DEUP1: variants seen among roughly 807,000 people sequenced by gnomAD.
DEUP1 encodes deuterosome assembly protein 1, also known as coiled-coil domain containing 67.
In DEUP1, 82 loss-of-function variants were observed where a neutral mutation model predicts 87.4. The observed-to-expected ratio is 0.94, with a 90% CI of 0.78 to 1.13. The LOEUF is 1.13. Ranked by LOEUF, DEUP1 falls within the 50% of genes most tolerant of loss-of-function variation. DEUP1 has a pLI of 0.00. For synonymous variants in DEUP1, 214 were observed against 222.7 expected, an observed-to-expected ratio of 0.96 and a Z score of 0.35; for missense variants, 663 against 681.5, an observed-to-expected ratio of 0.97 and a Z score of 0.30.
At chr11:93,432,297 T>C (rs1171907390) in intron 13 of DEUP1, among the ~76,000 whole-genome samples, 2 of 151,900 alleles carry the variant, frequency 1.3e-5, no homozygotes, top group Non-Finnish European at 2.9e-5. Flanking sequence ...GAAGGATGAG[T>C]TTCTGAAACA....
intron 8 of DEUP1, among the ~76,000 whole-genome samples, chr11:93,387,380 A>G (rs187948203): frequency 6.6e-6 from 1 of 152,154 alleles, no homozygotes; most frequent in Admixed American, 6.5e-5. Flanking sequence ...TAAAAGTAGC[A>G]TGGTAATGTT....
chr11:93,393,549 G>C (rs1478695160), intron 9 of DEUP1, among the ~76,000 whole-genome samples: 2 of 152,028 alleles, frequency 1.3e-5, no homozygotes, highest in Non-Finnish European at 2.9e-5. Flanking sequence ...CTTCCTCTGG[G>C]AATCCTATCC....
intron 2 of DEUP1, among the ~76,000 whole-genome samples, chr11:93,343,593 C>T (rs117094630): frequency 0.021 from 3,128 of 152,118 alleles, 46 homozygotes; most frequent in Middle Eastern, 0.058. Context: ...AATCTGTGGA[C>T]CAAGGGGTTA....
At chr11:93,372,092 C>A (rs2134271091) in intron 7 of DEUP1, among the ~76,000 whole-genome samples, 1 of 151,716 alleles carries the variant, frequency 6.6e-6, no homozygotes, top group South Asian at 2.1e-4. Flanking sequence ...CTACGCCCGG[C>A]TAATTTTTTG....
chr11:93,371,073 T>TA lies in DEUP1; in HGVS notation c.588dup (p.Gln197ThrfsTer9). Reference sequence around the variant, plus strand: ...AAAGTTACCAAACTCAACTAAATGGTAAAAAACAGTGCTTAGAAGACAGCA... The same window carrying TA: ...AAAGTTACCAAACTCAACTAAATGGTAAAAAAACAGTGCTTAGAAGACAGCA... On this transcript the variant is annotated frameshift_variant, in exon 7 of 14. Coordinates refer to ENST00000298050, the MANE Select transcript of DEUP1 (RefSeq NM_181645.4). LOFTEE classifies it high-confidence loss of function. 1 of 1,611,924 alleles carries TA rather than the reference T, an allele frequency of 6.2e-7. No individual in the cohort carries two copies. The highest frequency in any genetic ancestry group is 8.5e-7 in the Non-Finnish European group (1 of 1,178,766).
Position 93,371,243 on chromosome 11 carries a change from T to C in DEUP1, c.752T>C (p.Leu251Pro). ...RNKLQDENQK[L>P]LQELKMYQRQ... ...AAATTACAAGATGAAAATCAGAAGC[T>C]CTTGCAAGAACTGAAAATGTACCAA... is the stretch of plus-strand genomic sequence containing the variant. Residue 251 changes from leucine to proline, a missense_variant, in exon 7 of 14, where the codon CTC (leucine) becomes CCC (proline). By Grantham distance (98) the Leu-to-Pro change is moderately conservative. Coordinates refer to ENST00000298050, the MANE Select transcript of DEUP1 (RefSeq NM_181645.4). 6.8e-6 allele frequency: 11 copies of C among 1,613,110 alleles called. No individual in the cohort carries two copies. Among genetic ancestry groups the C allele is most frequent in the Non-Finnish European group, 8.5e-6 (10 of 1,179,592 alleles).
chr11:93,388,042 T>C (rs192415845), intron 8 of DEUP1, among the ~76,000 whole-genome samples: 2 of 152,246 alleles, frequency 1.3e-5, no homozygotes, highest in South Asian at 2.1e-4. Flanking sequence ...AGTTAACATA[T>C]ATATTTGATA....
chr11:93,429,430 A>C (rs992107169), intron 13 of DEUP1, among the ~76,000 whole-genome samples: 1 of 152,210 alleles, frequency 6.6e-6, no homozygotes, highest in African/African-American at 2.4e-5. Flanking sequence ...CACATATTTC[A>C]GTCAAGCAAT....
At chr11:93,391,035 T>C (rs1471307455) in intron 9 of DEUP1, among the ~76,000 whole-genome samples, 1 of 151,288 alleles carries the variant, frequency 6.6e-6, no homozygotes, top group East Asian at 1.9e-4. Flanking sequence ...TGAGCCGAGA[T>C]TGCGCCATGG....
At position 93,427,811 on chromosome 11, in the gene DEUP1, C is replaced by T. The variant is rs1193656408; in HGVS notation, c.1639-9732C>T. Among the ~76,000 whole-genome samples, 889 of 140,712 alleles carry T rather than the reference C, an allele frequency of 6.3e-3. 9 individuals are homozygous for T. The highest frequency in any genetic ancestry group is 0.022 in the African/African-American group (839 of 37,846). 92.3% of individuals were successfully genotyped at this position (140,712 alleles called of 152,430 possible). ...ACAAACAACCCCATCAAAAAGTCGG[C>T]GAAGGTCATGAACAGACACTTCTCA... On this transcript the variant is annotated intron_variant, in intron 13 of 13. Transcript: ENST00000298050.
In DEUP1 at chr11:93,409,676, TTTGTTG is replaced by T. The variant is rs200857325; in HGVS notation, c.1523+1252_1523+1257del. Among the ~76,000 whole-genome samples, 154 of 152,284 alleles carry T rather than the reference TTTGTTG, an allele frequency of 1.0e-3. 2 individuals carry two copies. In the East Asian group the frequency reaches 0.027, roughly 27 times the overall value. On this transcript the variant is annotated intron_variant, in intron 12 of 13. Transcript: ENST00000298050. The stretch of plus-strand genomic sequence containing the variant: ...ATAGTTAGCATGAAAAACCTTCTAT[TTTGTTG>T]TTACATAACAGAAATAATATTCACA...
In DEUP1 at chr11:93,394,631, A is replaced by G. The variant is rs780763134; in HGVS notation, c.1214A>G (p.Lys405Arg). 2.5e-6 allele frequency: 4 copies of G among 1,611,376 alleles called. No homozygotes were observed. In the Admixed American group the frequency reaches 6.7e-5, roughly 27 times the overall value. ...CAGTTAAAAATGGAATTAGAAATAAAAGAAAAAATGTTAGCAAAACAAAAG... is the reference window on the plus strand; with the variant it reads ...CAGTTAAAAATGGAATTAGAAATAAGAGAAAAAATGTTAGCAAAACAAAAG... ...EKQLKMELEI[K>R]EKMLAKQKVS... is the part of the protein sequence containing the mutation. The change falls in exon 10 of 14, where the codon AAA becomes AGA. Residue 405 changes from lysine to arginine, a missense_variant. Lys to Arg is a conservative substitution (Grantham distance 26). Transcript: ENST00000298050.
At chr11:93,411,628 A>G (rs1213151063) in intron 12 of DEUP1, among the ~76,000 whole-genome samples, 1 of 152,212 alleles carries the variant, frequency 6.6e-6, no homozygotes, top group Non-Finnish European at 1.5e-5. Flanking sequence ...TGTTTTTAAA[A>G]GTTAGAGTTT....
chr11:93,373,625 G>GTGTGTATATA (rs796309948), intron 7 of DEUP1, among the ~76,000 whole-genome samples: 18 of 67,006 alleles, frequency 2.7e-4, no homozygotes, highest in African/African-American at 6.9e-4. Context: ...ATATATATAC[G>GTGTGTATATA]TATATATATA....
chr11:93,395,664 T>G (rs1170643459), intron 10 of DEUP1, among the ~76,000 whole-genome samples: 13 of 152,130 alleles, frequency 8.5e-5, no homozygotes, highest in Non-Finnish European at 2.9e-5. Context: ...TAAATCTTTT[T>G]AAGGCACGTG....
intron 2 of DEUP1, chr11:93,352,538 C>T (rs1187346361): frequency 4.9e-6 from 3 of 614,864 alleles, no homozygotes; most frequent in South Asian, 2.0e-5. Context: ...TATTAGTAAC[C>T]TCACTGTCTA....
chr11:93,436,015 T>A (rs544646713), intron 13 of DEUP1, among the ~76,000 whole-genome samples: 1,926 of 150,058 alleles, frequency 0.013, 21 homozygotes, highest in South Asian at 0.082. Flanking sequence ...AAAAAAAAAT[T>A]TTTTCTGTGT....
At chr11:93,409,706 C>T (rs1947381976) in intron 12 of DEUP1, among the ~76,000 whole-genome samples, 1 of 152,150 alleles carries the variant, frequency 6.6e-6, no homozygotes, top group Admixed American at 6.5e-5. Flanking sequence ...ATAATATTCA[C>T]AGCCCTGGAA....
chr11:93,343,412 TG>T (rs1944175628), intron 2 of DEUP1, among the ~76,000 whole-genome samples: 1 of 141,042 alleles, frequency 7.1e-6, no homozygotes, highest in Admixed American at 6.9e-5. Flanking sequence ...GATCAACATT[TG>T]TTTATTATTA....
Sources: allele counts gnomAD v4.1 joint callset (sites outside exome capture counted in the v4.1 genomes callset), GRCh38; gene constraint gnomAD v4.1.1; transcripts MANE v1.5; gene names NCBI Gene and HGNC (gene_info 2026-07-23, HGNC 2026-07-21).